The following AKAP1 variants were observed in gnomAD, a reference collection of about 807,000 sequenced individuals.
The protein encoded by AKAP1 is A-kinase anchor protein 1, mitochondrial.
A neutral mutation model predicts 79.8 loss-of-function variants in AKAP1; 32 were observed. The ratio of observed to expected loss-of-function variants is 0.40; its 90% CI spans 0.30 to 0.54. AKAP1 has a LOEUF of 0.54. Among genes scored for constraint, AKAP1 ranks in the 20% least tolerant of loss-of-function variants. AKAP1 has a pLI of 0.47. For synonymous variants in AKAP1, 416 were observed against 466.7 expected (o/e 0.89, Z 1.40); for missense variants, 961 against 1,138.9 (o/e 0.84, Z 2.25).
chr17:57,117,818 G>A (rs1915678523), intron 8 of AKAP1, among the ~76,000 whole-genome samples: 1 of 152,074 alleles, frequency 6.6e-6, no homozygotes, highest in Non-Finnish European at 1.5e-5. Context: ...CTTGCCTTGG[G>A]TATGGTGTTC....
chr17:57,106,395 G>T lies in AKAP1; in HGVS notation c.931G>T (p.Asp311Tyr). The change falls in exon 2 of 11, where the codon GAT (aspartate) becomes TAT (tyrosine). Residue 311 changes from aspartate (D) to tyrosine (Y), a missense_variant. By Grantham distance (160) the Asp-to-Tyr change is radical (BLOSUM62 -3). This residue lies in a region of AKAP1 where 629 missense variants were observed against 781.1 expected (regional missense o/e 0.81). Coordinates refer to ENST00000337714, the MANE Select transcript of AKAP1 (RefSeq NM_003488.4). The stretch of plus-strand genomic sequence containing the variant: ...AGAACTGGGCAATGAGGAGAGCTTG[G>T]ATAGAAATGAGGAGGGCTTGGATAG... ...EGELGNEESL[D>Y]RNEEGLDRNE... 1.4e-6 allele frequency: 2 copies of T among 1,410,868 alleles called. No individual in the cohort carries two copies. Among genetic ancestry groups the T allele is most frequent in the Non-Finnish European group, 2.0e-6 (2 of 1,012,448 alleles). 87.4% of individuals were successfully genotyped at this position (1,410,868 alleles called of 1,614,324 possible).
intron 8 of AKAP1, among the ~76,000 whole-genome samples, chr17:57,117,595 A>C (rs1915664767): frequency 6.6e-6 from 1 of 152,108 alleles, no homozygotes; most frequent in Non-Finnish European, 1.5e-5. Flanking sequence ...AGCGATTTGC[A>C]TGCGTTAGAA....
chr17:57,116,360 T>C, intron 7 of AKAP1, 99 bp downstream of exon 7: 3 of 1,460,074 alleles, frequency 2.1e-6, no homozygotes, highest in Non-Finnish European at 1.9e-6. Flanking sequence ...GGGTGAGGGT[T>C]ACTTCTTCCC....
At chr17:57,112,089 T>A (rs1208996502) in intron 4 of AKAP1, among the ~76,000 whole-genome samples, 165 bp downstream of exon 4, 1 of 152,136 alleles carries the variant, frequency 6.6e-6, no homozygotes, top group Non-Finnish European at 1.5e-5. Context: ...CCATTTCAGG[T>A]GCCTGCGGGA....
chr17:57,105,112 C>T (rs1041335745), intron 1 of AKAP1, among the ~76,000 whole-genome samples: 1 of 152,174 alleles, frequency 6.6e-6, no homozygotes, highest in African/African-American at 2.4e-5. Flanking sequence ...AGAGCTAGCC[C>T]CTTTTTGGGG....
intron 8 of AKAP1, among the ~76,000 whole-genome samples, chr17:57,117,786 G>A (rs886145321): frequency 2.0e-5 from 3 of 152,016 alleles, no homozygotes; most frequent in Non-Finnish European, 4.4e-5. Flanking sequence ...GTAAACCCCT[G>A]TCTCTCCCAT....
intron 1 of AKAP1, chr17:57,098,577 A>T (rs1914267929): frequency 6.6e-6 from 1 of 152,106 alleles, no homozygotes; most frequent in African/African-American, 2.4e-5. Flanking sequence ...CTAAAGGGGT[A>T]TGTGTATGTA....
chr17:57,112,008 T>G, intron 4 of AKAP1, 84 bp downstream of exon 4: 1 of 1,527,514 alleles, frequency 6.5e-7, no homozygotes, highest in Non-Finnish European at 8.9e-7. Context: ...ATTGCTATCT[T>G]TTTGGAATAG....
chr17:57,108,671 C>T (rs1469798779), intron 2 of AKAP1, among the ~76,000 whole-genome samples: 5 of 152,182 alleles, frequency 3.3e-5, no homozygotes, highest in South Asian at 2.1e-4. Context: ...GTTAGTGCCT[C>T]GCATGTACCT....
Position 57,118,454 on chromosome 17 carries a change from GGT to G in AKAP1, c.2574+6_2574+7del. 1 of 1,614,034 alleles carries G rather than the reference GGT, an allele frequency of 6.2e-7. No homozygotes were observed. Among genetic ancestry groups the G allele is most frequent in the Non-Finnish European group, 8.5e-7 (1 of 1,179,922 alleles). On this transcript the variant is annotated splice_donor_variant, in intron 9 of 10. Coordinates refer to ENST00000337714, the MANE Select transcript of AKAP1 (RefSeq NM_003488.4). LOFTEE classifies it high-confidence loss of function. ...CGGGGAATACAGCACTGCTTGCTCA[GGT>G]GTGTGGTTGGCAGGGGTGGGGGAGG...
rs767738258 is a variant in AKAP1, at chr17:57,106,822, A to G, written c.1358A>G (p.Asn453Ser). The change falls in exon 2 of 11, where the codon AAT becomes AGT. Residue 453 changes from asparagine to serine, a missense_variant. By Grantham distance (46) the Asn-to-Ser change is conservative. Transcript: ENST00000337714. ...AGCCCCACCAAGGACAGTAAGCCAA[A>G]TATCTCTGCACACCACATCTCCCTG... is the stretch of plus-strand genomic sequence containing the variant. ...LSSPTKDSKP[N>S]ISAHHISLAS... 8.7e-6 allele frequency: 14 copies of G among 1,614,026 alleles called. No homozygotes were observed. The South Asian group carries it at 9.9e-5, about 11-fold the overall frequency.
At chr17:57,087,130 C>T (rs1325640720) in intron 1 of AKAP1, among the ~76,000 whole-genome samples, 1 of 152,176 alleles carries the variant, frequency 6.6e-6, no homozygotes, top group African/African-American at 2.4e-5. Context: ...CCTCTGGATC[C>T]TACAGGCATG....
chr17:57,120,489 G>C lies in AKAP1; in HGVS notation c.*165G>C, dbSNP rs1915862443. ...AAGACATTTCGTCTCTGAGAAAAAA[G>C]GATGGAACTATGGGTTCTCTTCGCA... On this transcript the variant is annotated 3_prime_UTR_variant, in exon 11 of 11. Transcript: ENST00000337714. The C allele has an allele frequency of 1.7e-6, 1 of 595,366 alleles. No individual in the cohort carries two copies. Among genetic ancestry groups the C allele is most frequent in the South Asian group, 2.5e-5 (1 of 40,376 alleles). 36.9% of individuals were successfully genotyped at this position (595,366 alleles called of 1,614,324 possible). A position where few individuals can be genotyped will look rare whatever the true frequency, so the allele number is the denominator to read the frequency against.
At chr17:57,098,760 ATTT>A (rs1170190519) in intron 1 of AKAP1, among the ~76,000 whole-genome samples, 1 of 122,862 alleles carries the variant, frequency 8.1e-6, no homozygotes, top group Non-Finnish European at 1.7e-5. Flanking sequence ...GGGCTAGCTG[ATTT>A]TTTTTTTTTT....
In AKAP1 at chr17:57,120,265, C is replaced by T. The variant is rs748501040; in HGVS notation, c.2653C>T (p.Arg885Trp). 24 of 1,613,454 alleles carry T rather than the reference C, an allele frequency of 1.5e-5. No individual in the cohort carries two copies. Among genetic ancestry groups the T allele is most frequent in the Non-Finnish European group, 1.9e-5 (23 of 1,179,764 alleles). ...VVGDEVVLIN[R>W]SLVERGLAQW... is the part of the protein sequence containing the mutation. ...TCTTTTCTAGGTGGTGTTGATAAAC[C>T]GGTCCCTGGTGGAGCGAGGCCTTGC... is the stretch of plus-strand genomic sequence containing the variant. The change falls in exon 11 of 11, where the codon CGG (arginine) becomes TGG (tryptophan). Residue 885 changes from arginine to tryptophan, a missense_variant. By Grantham distance (101) the Arg-to-Trp change is moderately radical. Transcript: ENST00000337714.
chr17:57,088,608 G>A (rs1446253244), intron 1 of AKAP1, among the ~76,000 whole-genome samples: 1 of 152,196 alleles, frequency 6.6e-6, no homozygotes, highest in Non-Finnish European at 1.5e-5. Flanking sequence ...GCTTTTGTGA[G>A]AAGAACCAAG....
In AKAP1 at chr17:57,110,172, C is replaced by A. The variant is rs1367013197; in HGVS notation, c.1848+14C>A. On this transcript the variant is annotated intron_variant, in intron 3 of 10. Coordinates refer to ENST00000337714, the MANE Select transcript of AKAP1 (RefSeq NM_003488.4). ...GAGGTGCCAAAGGTAGGGGCGGAGT[C>A]CCCCAGGCTGGTTCTGTGGTAAGCC... 4 of 1,613,220 alleles carry A rather than the reference C, an allele frequency of 2.5e-6. No individual in the cohort carries two copies. The highest frequency in any genetic ancestry group is 1.3e-5 in the African/African-American group (1 of 75,010).
chr17:57,105,933 TTCTC>T lies in AKAP1; in HGVS notation c.470_473del (p.Phe157SerfsTer27). ...CCTTTCATCCCCAAAGGGTGTACTA[TTCTC>T]CAGCAAATCAGCTGAGGTGTGTAAG... On this transcript the variant is annotated frameshift_variant, in exon 2 of 11. Coordinates refer to ENST00000337714, the MANE Select transcript of AKAP1 (RefSeq NM_003488.4). LOFTEE classifies it high-confidence loss of function. 6.2e-7 allele frequency: 1 copy of T among 1,614,224 alleles called. No homozygotes were observed. The highest frequency in any genetic ancestry group is 2.2e-5 in the East Asian group (1 of 44,890).
chr17:57,094,601 C>T (rs969584731), intron 1 of AKAP1: 6 of 145,572 alleles, frequency 4.1e-5, no homozygotes, highest in Admixed American at 1.5e-4. Flanking sequence ...AATGGGTCCC[C>T]CCCAACTTTT....
Sources: allele counts gnomAD v4.1 joint callset (sites outside exome capture counted in the v4.1 genomes callset), GRCh38; gene constraint gnomAD v4.1.1; regional missense constraint gnomAD v4.1.1; transcripts MANE v1.5; gene names NCBI Gene and HGNC (gene_info 2026-07-23, HGNC 2026-07-21).